BIRC6: variants seen among roughly 807,000 people sequenced by gnomAD.
The protein encoded by BIRC6 is baculoviral IAP repeat containing 6.
Under a neutral mutation model 503.3 loss-of-function variants are expected in BIRC6, and 98 were observed. The observed-to-expected ratio is 0.19, with a 90% CI of 0.17 to 0.23. The LOEUF (loss-of-function observed/expected upper bound fraction) is 0.23. Among genes scored for constraint, BIRC6 ranks in the 10% least tolerant of loss-of-function variants. The probability of loss-of-function intolerance (pLI) is 1.00; values close to 1 mark genes in which losing one functional copy is unlikely to be tolerated. For synonymous variants in BIRC6, 2,240 were observed against 2,078.7 expected, an observed-to-expected ratio of 1.08 and a Z score of -2.11; for missense variants, 5,360 against 5,806.0, an observed-to-expected ratio of 0.92 and a Z score of 2.50.
chr2:32,372,613 T>G (rs1367593133), intron 1 of BIRC6, among the ~76,000 whole-genome samples: 1 of 152,076 alleles, frequency 6.6e-6, no homozygotes, highest in African/African-American at 2.4e-5. Flanking sequence ...GAGGCTGAGG[T>G]GGGCACATCA....
Position 32,499,911 on chromosome 2 carries a change from T to C in BIRC6, c.8833T>C (p.Ser2945Pro). The C allele has an allele frequency of 6.2e-7, 1 of 1,614,032 alleles. No individual in the cohort carries two copies. Reference protein sequence around the residue: ...SGNREYSARVSVTTNTTDSVS... With the variant: ...SGNREYSARVPVTTNTTDSVS... ...CAATAGGGAATACAGTGCAAGAGTG[T>C]CTGTGACCACAAATACAACAGATAG... is the stretch of plus-strand genomic sequence containing the variant. Residue 2945 changes from serine (S) to proline (P), a missense_variant, in exon 46 of 74, where the codon TCT becomes CCT. Coordinates refer to ENST00000421745, the MANE Select transcript of BIRC6 (RefSeq NM_016252.4).
Position 32,415,963 on chromosome 2 carries a change from G to T in BIRC6, c.2672G>T (p.Arg891Ile). Residue 891 changes from arginine to isoleucine, a missense_variant, in exon 10 of 74, where the codon AGA becomes ATA. Coordinates refer to ENST00000421745, the MANE Select transcript of BIRC6 (RefSeq NM_016252.4). ...MQLTSKNGFE[R>I]EKTSDISTLG... ...TTAACCTCAAAGAATGGTTTTGAGA[G>T]AGAAAAAACGTCTGACATTTCTACT... The T allele has an allele frequency of 6.2e-7, 1 of 1,613,774 alleles. No homozygotes were observed. Among genetic ancestry groups the T allele is most frequent in the Non-Finnish European group, 8.5e-7 (1 of 1,179,768 alleles).
At chr2:32,413,826 C>G (rs753402833) in intron 9 of BIRC6, among the ~76,000 whole-genome samples, 3 of 151,992 alleles carry the variant, frequency 2.0e-5, no homozygotes, top group Non-Finnish European at 4.4e-5. Flanking sequence ...TTGCTTATAA[C>G]CTATGCACAT....
chr2:32,362,471 A>T (rs930897305), intron 1 of BIRC6, among the ~76,000 whole-genome samples: 3 of 151,880 alleles, frequency 2.0e-5, no homozygotes, highest in African/African-American at 7.3e-5. Flanking sequence ...GCCCCCCACC[A>T]GACCCGGCTA....
At chr2:32,472,821 G>A (rs1222258025) in intron 32 of BIRC6, among the ~76,000 whole-genome samples, 2 of 152,142 alleles carry the variant, frequency 1.3e-5, no homozygotes, top group African/African-American at 4.8e-5. Context: ...CATCAAAGTT[G>A]TATAGAGATT....
In BIRC6 at chr2:32,493,680, G is replaced by A. The variant is rs201149342; in HGVS notation, c.8468+13G>A. ...TTTCAACTGAAAGGTAAATTTTTGT[G>A]TACTAATTTGTTCCTGATATAGAAG... On this transcript the variant is annotated intron_variant, in intron 45 of 73. Coordinates refer to ENST00000421745, the MANE Select transcript of BIRC6 (RefSeq NM_016252.4). 4.4e-6 allele frequency: 7 copies of A among 1,577,168 alleles called. No individual in the cohort carries two copies. Among genetic ancestry groups the A allele is most frequent in the African/African-American group, 4.0e-5 (3 of 74,446 alleles).
Position 32,430,958 on chromosome 2 carries a change from C to T in BIRC6, c.3116C>T (p.Ser1039Leu). ...TTTGAGACTTTGACTCCAAGGTTTTCAGCGACTGTTCCTCCATGCTGGGTA... is the reference window on the plus strand; with the variant it reads ...TTTGAGACTTTGACTCCAAGGTTTTTAGCGACTGTTCCTCCATGCTGGGTA... Reference protein sequence around the residue: ...TRFETLTPRFSATVPPCWVEV... With the variant: ...TRFETLTPRFLATVPPCWVEV... Residue 1039 changes from serine to leucine, a missense_variant, in exon 12 of 74, where the codon TCA becomes TTA. Physicochemically the swap from Ser to Leu is moderately radical, Grantham distance 145 (BLOSUM62 -2). This residue lies in a region of BIRC6 where 700 missense variants were observed against 739.3 expected (regional missense o/e 0.95). Coordinates refer to ENST00000421745, the MANE Select transcript of BIRC6 (RefSeq NM_016252.4). 1 of 1,613,354 alleles carries T rather than the reference C, an allele frequency of 6.2e-7. No homozygotes were observed. Among genetic ancestry groups the T allele is most frequent in the Non-Finnish European group, 8.5e-7 (1 of 1,179,778 alleles).
chr2:32,448,675 G>A (rs550861810), intron 21 of BIRC6, 120 bp from the exon 22 acceptor site: 3 of 748,948 alleles, frequency 4.0e-6, no homozygotes, highest in Non-Finnish European at 6.4e-6. Context: ...GGGGAGAGGG[G>A]AGAGGGGAGA....
chr2:32,616,758 T>A (rs1572431785), intron 73 of BIRC6, among the ~76,000 whole-genome samples: 1 of 152,244 alleles, frequency 6.6e-6, no homozygotes, highest in East Asian at 1.9e-4. Context: ...CTCAAAAACG[T>A]TTAGCCAGAG....
intron 66 of BIRC6, among the ~76,000 whole-genome samples, chr2:32,580,734 C>A (rs998440159): frequency 6.6e-6 from 1 of 152,176 alleles, no homozygotes; most frequent in African/African-American, 2.4e-5. Flanking sequence ...TTTGTCTCAG[C>A]AGATAGAGCT....
chr2:32,584,649 TTGAA>T (rs1477451534), intron 66 of BIRC6, among the ~76,000 whole-genome samples: 8 of 152,236 alleles, frequency 5.3e-5, no homozygotes, highest in African/African-American at 1.9e-4. Flanking sequence ...TAATAATAGT[TTGAA>T]TGAAAATGGT....
At chr2:32,455,327 C>G (rs1480071364) in intron 23 of BIRC6, among the ~76,000 whole-genome samples, 1 of 145,424 alleles carries the variant, frequency 6.9e-6, no homozygotes, top group Non-Finnish European at 1.5e-5. Context: ...TTGCAGTGAG[C>G]TGAGATCGCG....
chr2:32,555,600 C>T (rs1439873708), intron 65 of BIRC6, among the ~76,000 whole-genome samples: 1 of 151,836 alleles, frequency 6.6e-6, no homozygotes, highest in South Asian at 2.1e-4. Context: ...AACACTCCAG[C>T]CTGGGCGACA....
chr2:32,483,239 A>G (rs778056336), intron 39 of BIRC6, among the ~76,000 whole-genome samples: 3 of 152,026 alleles, frequency 2.0e-5, no homozygotes, highest in Non-Finnish European at 4.4e-5. Context: ...TTTTTTAGTC[A>G]TGTAGAATAT....
At position 32,445,611 on chromosome 2, in the gene BIRC6, C is replaced by A. The variant is rs2045867970; in HGVS notation, c.4427C>A (p.Ala1476Glu). The change falls in exon 21 of 74, where the codon GCA becomes GAA. Residue 1476 changes from alanine to glutamate, a missense_variant. This residue lies in a region of BIRC6 where 2,299 missense variants were observed against 2,267.2 expected (regional missense o/e 1.01). Transcript: ENST00000421745. The stretch of plus-strand genomic sequence containing the variant: ...ACAGCTTGTGCATCTTTGCTTACTG[C>A]AGTGTCCAGACAGTTACAGGACAGG... Reference protein sequence around the residue: ...CSTACASLLTAVSRQLQDRLT... With the variant: ...CSTACASLLTEVSRQLQDRLT... 1.2e-6 allele frequency: 2 copies of A among 1,607,394 alleles called. No homozygotes were observed. Among genetic ancestry groups the A allele is most frequent in the East Asian group, 4.5e-5 (2 of 44,538 alleles).
chr2:32,469,633 G>T lies in BIRC6; in HGVS notation c.6347+19G>T, dbSNP rs771458248. 1 of 1,574,854 alleles carries T rather than the reference G, an allele frequency of 6.3e-7. No homozygotes were observed. The highest frequency in any genetic ancestry group is 8.7e-7 in the Non-Finnish European group (1 of 1,153,122). ...AGGATAGGTAGGTCAGAAAATGTTG[G>T]AGGTATTTGTTATTAATGATGTGTA... On this transcript the variant is annotated intron_variant, in intron 30 of 73. Coordinates refer to ENST00000421745, the MANE Select transcript of BIRC6 (RefSeq NM_016252.4).
chr2:32,440,750 A>G (rs1415761716), intron 16 of BIRC6, among the ~76,000 whole-genome samples: 1 of 129,670 alleles, frequency 7.7e-6, no homozygotes, highest in Non-Finnish European at 1.7e-5. Flanking sequence ...GTGTTTATTT[A>G]TTTATTATTA....
At chr2:32,359,953 A>C (rs1006624978) in intron 1 of BIRC6, among the ~76,000 whole-genome samples, 1 of 152,134 alleles carries the variant, frequency 6.6e-6, no homozygotes, top group Non-Finnish European at 1.5e-5. Flanking sequence ...GGAATGCTGC[A>C]TTTTATGTTT....
Position 32,515,054 on chromosome 2 carries a change from C to T in BIRC6, c.10633C>T (p.Leu3545=), listed in dbSNP as rs768288893. The T allele has an allele frequency of 2.5e-6, 4 of 1,613,954 alleles. No homozygotes were observed. In the East Asian group the frequency reaches 8.9e-5, roughly 36 times the overall value. Reference sequence around the variant, plus strand: ...GGTTTTGAAGAAAGCTGTTGACAGTCTACTTTGCTCAATGTGTCACGTACA... The same window carrying T: ...GGTTTTGAAGAAAGCTGTTGACAGTTTACTTTGCTCAATGTGTCACGTACA... ...NMVLKKAVDS[L]LCSMCHVHPN... is the part of the protein sequence containing the mutation. Residue 3545 remains leucine (L), a synonymous_variant, in exon 55 of 74, where the codon CTA becomes TTA. Coordinates refer to ENST00000421745, the MANE Select transcript of BIRC6 (RefSeq NM_016252.4).
Sources: allele counts gnomAD v4.1 joint callset (sites outside exome capture counted in the v4.1 genomes callset), GRCh38; gene constraint gnomAD v4.1.1; regional missense constraint gnomAD v4.1.1; transcripts MANE v1.5; gene names NCBI Gene and HGNC (gene_info 2026-07-23, HGNC 2026-07-21).